HEXB: variants seen among roughly 807,000 people sequenced by gnomAD.
HEXB encodes beta-hexosaminidase subunit beta.
Under a neutral mutation model 71.2 loss-of-function variants are expected in HEXB, and 51 were observed. The observed-to-expected ratio is 0.72, with a 90% CI of 0.57 to 0.90. The LOEUF is 0.90. HEXB is among the 40% of genes least tolerant of loss of function. HEXB has a pLI of 0.00. For synonymous variants in HEXB, 266 were observed against 249.3 expected (o/e 1.07, Z -0.63); for missense variants, 617 against 677.0 (o/e 0.91, Z 0.98).
chr5:74,671,526 G>A (rs958568289), intron 1 of HEXB, among the ~76,000 whole-genome samples: 101 of 152,144 alleles, frequency 6.6e-4, no homozygotes, highest in Admixed American at 6.3e-3. Context: ...AGGGCCAGGG[G>A]CAGGGAGGGG....
At chr5:74,643,572 G>A (rs1747946979) in intron 1 of HEXB, among the ~76,000 whole-genome samples, 1 of 152,148 alleles carries the variant, frequency 6.6e-6, no homozygotes, top group Non-Finnish European at 1.5e-5. Flanking sequence ...ATTTTTTAAT[G>A]CTATTAAGAA....
intron 5 of HEXB, among the ~76,000 whole-genome samples, chr5:74,699,477 G>A (rs1749209177): frequency 6.6e-6 from 1 of 151,886 alleles, no homozygotes; most frequent in African/African-American, 2.4e-5. Flanking sequence ...GTTTCACCAT[G>A]TTGGTCAGGC....
rs1230578483 is a variant in HEXB at position 74,652,760 on chromosome 5, C to T, written c.-377+12202C>T. Among the ~76,000 whole-genome samples, 1 of 152,164 alleles carries T rather than the reference C, an allele frequency of 6.6e-6. No individual in the cohort carries two copies. Among genetic ancestry groups the T allele is most frequent in the Non-Finnish European group, 1.5e-5 (1 of 68,030 alleles). The stretch of plus-strand genomic sequence containing the variant: ...CTCCCACATCTGCCCACAGCACCAG[C>T]TCCGAGATAACCATCACCCTCTCTG... On this transcript the variant is annotated intron_variant, in intron 1 of 13. Coordinates refer to the HEXB transcript ENST00000511181. The surrounding 1 kb of genome is among the most constrained non-coding windows in gnomAD (Gnocchi z 5.4).
chr5:74,712,458 T>C (rs1220836325), intron 6 of HEXB, among the ~76,000 whole-genome samples: 3 of 152,164 alleles, frequency 2.0e-5, no homozygotes, highest in Non-Finnish European at 4.4e-5. Context: ...ATGCTTTAAA[T>C]TTTAAAAAAA....
rs10041807 is a variant in HEXB at position 74,693,925 on chromosome 5, G to C, written c.511+221G>C. Among the ~76,000 whole-genome samples, 431 of 152,304 alleles carry C rather than the reference G, an allele frequency of 2.8e-3. 6 individuals are homozygous for C. Among genetic ancestry groups the C allele is most frequent in the Middle Eastern group, 0.017 (5 of 294 alleles). ...TAATCCCAGCACTTCGAGAGGCTGA[G>C]GTAGGTGATGATTGCCTGAGCTCAG... On this transcript the variant is annotated intron_variant, in intron 3 of 13. Coordinates refer to ENST00000261416, the MANE Select transcript of HEXB (RefSeq NM_000521.4).
chr5:74,655,680 A>G (rs1176343831), intron 1 of HEXB, among the ~76,000 whole-genome samples: 3 of 152,114 alleles, frequency 2.0e-5, no homozygotes, highest in Admixed American at 6.5e-5. Flanking sequence ...CTCCACATAT[A>G]TTTAGTGAGC....
intron 1 of HEXB, among the ~76,000 whole-genome samples, chr5:74,659,766 T>C (rs1482861970): frequency 1.3e-5 from 2 of 152,204 alleles, no homozygotes; most frequent in East Asian, 3.8e-4. Flanking sequence ...AAAACTAATA[T>C]TGCACATGAA....
chr5:74,713,643 G>A lies in HEXB; in HGVS notation c.901+8G>A. 2 of 1,609,110 alleles carry A rather than the reference G, an allele frequency of 1.2e-6. No individual in the cohort carries two copies. Among genetic ancestry groups the A allele is most frequent in the Non-Finnish European group, 1.7e-6 (2 of 1,175,678 alleles). On this transcript the variant is annotated splice_region_variant and intron_variant, in intron 7 of 13. Transcript: ENST00000261416. ...CACTATCTTGGGGAAAAGGTAAGGA[G>A]TTGTATTTTATTTCATTTTATCTTA...
intron 1 of HEXB, among the ~76,000 whole-genome samples, chr5:74,678,962 C>A (rs540544195): frequency 2.6e-5 from 4 of 152,018 alleles, no homozygotes; most frequent in African/African-American, 9.7e-5. Flanking sequence ...AAACAACTTA[C>A]AAAATTGAAA....
At chr5:74,680,380 G>T (rs765325265), upstream of HEXB, among the ~76,000 whole-genome samples, 5 of 152,174 alleles carry the variant, frequency 3.3e-5, no homozygotes, top group Non-Finnish European at 7.3e-5. Flanking sequence ...TTTTGTGTCG[G>T]GGAGGAGTGG....
At chr5:74,679,269 G>A (rs12233980) in intron 1 of HEXB, among the ~76,000 whole-genome samples, 26,285 of 152,164 alleles carry the variant, frequency 0.17, 2,377 homozygotes, top group East Asian at 0.27. Context: ...CCTTGAAAAG[G>A]CTTTTAGTAG....
chr5:74,701,399 A>G (rs1415679632), intron 5 of HEXB, among the ~76,000 whole-genome samples: 1 of 152,140 alleles, frequency 6.6e-6, no homozygotes, highest in African/African-American at 2.4e-5. Flanking sequence ...TTTTAATTTT[A>G]CTTTCCAAAT....
intron 1 of HEXB, among the ~76,000 whole-genome samples, chr5:74,648,046 T>C (rs1389067887): frequency 6.6e-6 from 1 of 152,242 alleles, no homozygotes; most frequent in South Asian, 2.1e-4. Flanking sequence ...ATGTTTAGGC[T>C]GAAATGCCAC....
chr5:74,719,525 A>C (rs6867972), intron 11 of HEXB, among the ~76,000 whole-genome samples: 74,410 of 152,016 alleles, frequency 0.49, 19,926 homozygotes, highest in African/African-American at 0.72. Flanking sequence ...GCCTTTAGTG[A>C]AAAATCACTG....
At chr5:74,650,966 GT>G (rs1748095892) in intron 1 of HEXB, among the ~76,000 whole-genome samples, 1 of 147,238 alleles carries the variant, frequency 6.8e-6, no homozygotes, top group South Asian at 2.1e-4. Context: ...AAAAATAAAT[GT>G]TTTTTAATAC....
At chr5:74,698,277 A>G (rs1561218835) in intron 5 of HEXB, among the ~76,000 whole-genome samples, 1 of 151,554 alleles carries the variant, frequency 6.6e-6, no homozygotes, top group Non-Finnish European at 1.5e-5. Flanking sequence ...GGGTTTCTCC[A>G]TGTTGAGGCT....
chr5:74,663,433 C>T (rs1696982), intron 1 of HEXB, among the ~76,000 whole-genome samples: 39,509 of 151,940 alleles, frequency 0.26, 5,304 homozygotes, highest in Non-Finnish European at 0.3. Flanking sequence ...TCAGGTGATC[C>T]ACCCGCCTCG....
At chr5:74,648,364 C>A (rs1748039186) in intron 1 of HEXB, among the ~76,000 whole-genome samples, 1 of 152,014 alleles carries the variant, frequency 6.6e-6, no homozygotes, top group Admixed American at 6.6e-5. Context: ...TTTTTAAATT[C>A]TTAATATTAG....
At chr5:74,644,485 C>G (rs1747964228) in intron 1 of HEXB, among the ~76,000 whole-genome samples, 1 of 152,240 alleles carries the variant, frequency 6.6e-6, no homozygotes, top group South Asian at 2.1e-4. Context: ...CCTCAGCTTC[C>G]ATCAGCAATC....
Sources: gnomAD v4.1 joint callset for allele counts (sites outside exome capture counted in the v4.1 genomes callset) on GRCh38, gnomAD v4.1.1 for gene constraint, Gnocchi (gnomAD v3.1) non-coding constraint, MANE v1.5 for transcripts, NCBI Gene and HGNC (gene_info 2026-07-23, HGNC 2026-07-21) for gene names.